The following ARHGAP39 variants were observed in gnomAD, a reference collection of about 807,000 sequenced individuals.
ARHGAP39 encodes the protein rho GTPase-activating protein 39.
In ARHGAP39, 44 loss-of-function variants were observed where a neutral mutation model predicts 106.9. The ratio of observed to expected loss-of-function variants is 0.41; its 90% CI spans 0.32 to 0.53. ARHGAP39 has a LOEUF of 0.53. Among genes scored for constraint, ARHGAP39 ranks in the 20% least tolerant of loss-of-function variants. The pLI is 0.21. For missense variants in ARHGAP39, 1,496 were observed against 1,577.3 expected (o/e 0.95, Z 0.87); for synonymous variants, 768 against 693.2 (o/e 1.11, Z -1.69).
intron 1 of ARHGAP39, among the ~76,000 whole-genome samples, chr8:144,622,353 T>C (rs1820828486): frequency 6.6e-6 from 1 of 151,978 alleles, no homozygotes. Context: ...CCCATGGCCA[T>C]GTCAGCAGCC....
chr8:144,602,031 G>C (rs754538297), intron 2 of ARHGAP39, among the ~76,000 whole-genome samples: 5 of 137,740 alleles, frequency 3.6e-5, no homozygotes, highest in Non-Finnish European at 7.7e-5. Context: ...GTGTGTGCTC[G>C]TGAACCTGTG....
chr8:144,590,871 C>T (rs1049254004), intron 2 of ARHGAP39, among the ~76,000 whole-genome samples: 1 of 152,006 alleles, frequency 6.6e-6, no homozygotes, highest in African/African-American at 2.4e-5. Flanking sequence ...GTCGACCGCC[C>T]TGGGGTCCAG....
chr8:144,572,502 T>C (rs1818621687), intron 3 of ARHGAP39, among the ~76,000 whole-genome samples: 1 of 152,180 alleles, frequency 6.6e-6, no homozygotes, highest in Non-Finnish European at 1.5e-5. Context: ...ACTTACATAT[T>C]AGACCTAAAA....
chr8:144,541,013 G>A (rs1351667885), intron 6 of ARHGAP39, among the ~76,000 whole-genome samples: 4 of 152,090 alleles, frequency 2.6e-5, no homozygotes, highest in Non-Finnish European at 5.9e-5. Flanking sequence ...CACCATGCCT[G>A]ACTAATTTTT....
At chr8:144,685,325 C>A (rs1401914171) in intron 1 of ARHGAP39, among the ~76,000 whole-genome samples, 1 of 151,370 alleles carries the variant, frequency 6.6e-6, no homozygotes, top group African/African-American at 2.4e-5. Flanking sequence ...CCACCTAGGG[C>A]AGGGACACAA....
intron 1 of ARHGAP39, among the ~76,000 whole-genome samples, chr8:144,665,726 T>C (rs1485559412): frequency 1.3e-5 from 2 of 152,222 alleles, no homozygotes; most frequent in Admixed American, 6.5e-5. Context: ...TTTGGGAACC[T>C]CCACCTAGAT....
rs1822328234 is a variant in ARHGAP39 at position 144,679,307 on chromosome 8, C to T, written c.-82+6379G>A. Among the ~76,000 whole-genome samples the T allele has an allele frequency of 6.6e-6, 1 of 152,194 alleles. No homozygotes were observed. The highest frequency in any genetic ancestry group is 2.4e-5 in the African/African-American group (1 of 41,466). ...TCCCCATAGGAGGCTGTACGTCACA[C>T]CCTGCTTTGGTCCGTGGACCCTGAG... On this transcript the variant is annotated intron_variant, in intron 1 of 11. Transcript: ENST00000377307. This position sits in a 1 kb window ranked among gnomAD's most constrained non-coding sequence, Gnocchi z 4.7.
chr8:144,535,106 A>G (rs1473679741), intron 7 of ARHGAP39, among the ~76,000 whole-genome samples: 1 of 152,170 alleles, frequency 6.6e-6, no homozygotes, highest in Non-Finnish European at 1.5e-5. Flanking sequence ...CCCAGCGCCT[A>G]CCGCCTGCCA....
intron 2 of ARHGAP39, among the ~76,000 whole-genome samples, chr8:144,603,190 T>C (rs149956736): frequency 0.028 from 4,193 of 147,414 alleles, 182 homozygotes; most frequent in African/African-American, 0.098. Flanking sequence ...CCTGTGTGTG[T>C]GCGTGGAGGC....
intron 6 of ARHGAP39, among the ~76,000 whole-genome samples, chr8:144,539,556 G>A (rs563642329): frequency 1.3e-5 from 2 of 152,296 alleles, no homozygotes; most frequent in African/African-American, 2.4e-5. Flanking sequence ...CTTGGTTTAC[G>A]AGTGATCCAT....
chr8:144,624,451 C>T (rs1190069118), intron 1 of ARHGAP39, among the ~76,000 whole-genome samples: 2 of 152,398 alleles, frequency 1.3e-5, no homozygotes, highest in East Asian at 3.9e-4. Flanking sequence ...CCCCAATCTC[C>T]TTCTGAAGAC....
intron 1 of ARHGAP39, among the ~76,000 whole-genome samples, chr8:144,639,729 G>A (rs143185656): frequency 2.0e-5 from 3 of 152,188 alleles, no homozygotes; most frequent in African/African-American, 7.2e-5. Flanking sequence ...ACGTGGATGT[G>A]AGCAGAGCAC....
At position 144,534,209 on chromosome 8, in the gene ARHGAP39, AG is replaced by A. The variant is rs1564833773; in HGVS notation, c.2615-8del. On this transcript the variant is annotated splice_polypyrimidine_tract_variant and splice_region_variant and intron_variant, in intron 7 of 11. Coordinates refer to ENST00000377307, the MANE Select transcript of ARHGAP39 (RefSeq NM_025251.3). ...TACGTGCTTATCGCCACCCCTGGAAAGGAAAGGGGCCTGATCAGCCTGATGT... is the reference window on the plus strand; with the variant it reads ...TACGTGCTTATCGCCACCCCTGGAAAGAAAGGGGCCTGATCAGCCTGATGT... 5.0e-6 allele frequency: 8 copies of A among 1,613,436 alleles called. No homozygotes were observed. Among genetic ancestry groups the A allele is most frequent in the Non-Finnish European group, 6.8e-6 (8 of 1,179,806 alleles).
intron 3 of ARHGAP39, among the ~76,000 whole-genome samples, chr8:144,561,905 CCAGTGGTTTCCATCA>C (rs1473766727): frequency 6.8e-6 from 1 of 147,824 alleles, no homozygotes; most frequent in East Asian, 2.0e-4. Context: ...CCATCGCACT[CCAGTGGTTTCCATCA>C]CACTCCAGTG....
intron 1 of ARHGAP39, among the ~76,000 whole-genome samples, chr8:144,643,409 T>C (rs999338194): frequency 7.9e-5 from 12 of 152,156 alleles, no homozygotes; most frequent in Admixed American, 3.3e-4. Context: ...GCTGTGATCA[T>C]GCCACTGTAC....
At chr8:144,681,761 T>C (rs1006658737) in intron 1 of ARHGAP39, among the ~76,000 whole-genome samples, 5 of 152,184 alleles carry the variant, frequency 3.3e-5, no homozygotes. Context: ...ATCTAAACAT[T>C]AAATATTCTC....
rs1822096256 is a variant in ARHGAP39, at chr8:144,671,371, G to C, written c.-82+14315C>G. On this transcript the variant is annotated intron_variant, in intron 1 of 11. Coordinates refer to ENST00000377307, the MANE Select transcript of ARHGAP39 (RefSeq NM_025251.3). This position sits in a 1 kb window ranked among gnomAD's most constrained non-coding sequence, Gnocchi z 4.5. The stretch of plus-strand genomic sequence containing the variant: ...AAATGAACGAATAAAGCTGGAGTTA[G>C]AAAGAAGCTATTGCCAACCCTTTCA... Among the ~76,000 whole-genome samples the C allele has an allele frequency of 6.6e-6, 1 of 152,262 alleles. No individual in the cohort carries two copies. The highest frequency in any genetic ancestry group is 6.5e-5 in the Admixed American group (1 of 15,292).
upstream of ARHGAP39, among the ~76,000 whole-genome samples, chr8:144,687,561 ACTG>A (rs1450943731): frequency 2.4e-5 from 1 of 40,998 alleles, no homozygotes; most frequent in East Asian, 8.5e-4. Flanking sequence ...GTGACCACAC[ACTG>A]GCGGTGAGCA....
chr8:144,657,254 G>C (rs1230991325), intron 1 of ARHGAP39, among the ~76,000 whole-genome samples: 1 of 151,202 alleles, frequency 6.6e-6, no homozygotes, highest in Non-Finnish European at 1.5e-5. Flanking sequence ...ATTAATAAAA[G>C]ACAAAAAAGG....
Sources: allele counts gnomAD v4.1 joint callset (sites outside exome capture counted in the v4.1 genomes callset), GRCh38; gene constraint gnomAD v4.1.1; non-coding constraint Gnocchi (gnomAD v3.1); transcripts MANE v1.5; gene names NCBI Gene and HGNC (gene_info 2026-07-23, HGNC 2026-07-21).